RBFOX1: variants seen among roughly 807,000 people sequenced by gnomAD.
The protein encoded by RBFOX1 is RNA binding protein fox-1 homolog 1.
In RBFOX1, 8 loss-of-function variants were observed where a neutral mutation model predicts 57.7. The observed-to-expected ratio is 0.14, with a 90% CI of 0.08 to 0.25. RBFOX1 has a LOEUF of 0.25. Ranked by LOEUF, RBFOX1 falls within the 10% of genes least tolerant of loss-of-function variation. The pLI, the probability that RBFOX1 is intolerant of heterozygous loss-of-function variation, is 1.00. For missense variants in RBFOX1, 611 were observed against 548.5 expected, an observed-to-expected ratio of 1.11 and a Z score of -1.14; for synonymous variants, 326 against 222.4, an observed-to-expected ratio of 1.47 and a Z score of -4.15.
chr16:5,295,509 A>G (rs1414045237), intron 1 of RBFOX1, among the ~76,000 whole-genome samples: 1 of 152,090 alleles, frequency 6.6e-6, no homozygotes, highest in Admixed American at 6.6e-5. Context: ...TGGAGGCTTG[A>G]CGGGTGATTG....
At chr16:7,095,232 G>A (rs1332599589) in intron 4 of RBFOX1, among the ~76,000 whole-genome samples, 2 of 152,082 alleles carry the variant, frequency 1.3e-5, no homozygotes, top group Non-Finnish European at 2.9e-5. Flanking sequence ...CGCCTCCCAG[G>A]TTCAAACGAT....
At chr16:6,137,242 T>C (rs1397882737) in intron 1 of RBFOX1, among the ~76,000 whole-genome samples, 2 of 152,230 alleles carry the variant, frequency 1.3e-5, no homozygotes, top group Admixed American at 1.3e-4. Context: ...TTTATTGAAT[T>C]CCTACTATGT....
chr16:5,620,998 G>A (rs1392389072), intron 3 of RBFOX1, among the ~76,000 whole-genome samples: 2 of 152,092 alleles, frequency 1.3e-5, no homozygotes, highest in African/African-American at 2.4e-5. Context: ...TCGCCACCAC[G>A]CCCAGCTAAT....
At chr16:5,671,366 A>G (rs1257159840) in intron 3 of RBFOX1, among the ~76,000 whole-genome samples, 1 of 152,190 alleles carries the variant, frequency 6.6e-6, no homozygotes, top group South Asian at 2.1e-4. Flanking sequence ...ATGCTCCATT[A>G]TTTATAGGAA....
At chr16:5,818,385 C>G (rs1409432266) in intron 3 of RBFOX1, among the ~76,000 whole-genome samples, 1 of 152,300 alleles carries the variant, frequency 6.6e-6, no homozygotes, top group South Asian at 2.1e-4. Flanking sequence ...GAGGGGATAC[C>G]ATTGTGTCCT....
At chr16:5,862,594 C>T (rs1031969184) in intron 3 of RBFOX1, among the ~76,000 whole-genome samples, 11 of 152,134 alleles carry the variant, frequency 7.2e-5, no homozygotes, top group Non-Finnish European at 1.6e-4. Context: ...GTGCAGGGAG[C>T]GCTGTCTAGG....
At chr16:5,861,456 GC>G (rs1165000332) in intron 3 of RBFOX1, among the ~76,000 whole-genome samples, 1 of 152,182 alleles carries the variant, frequency 6.6e-6, no homozygotes, top group Non-Finnish European at 1.5e-5. Flanking sequence ...GCGTAGCAGA[GC>G]CTCTTTCACT....
intron 5 of RBFOX1, among the ~76,000 whole-genome samples, chr16:7,544,078 A>G (rs1417660495): frequency 1.3e-5 from 2 of 152,218 alleles, no homozygotes; most frequent in African/African-American, 4.8e-5. Flanking sequence ...TTATAAAGTG[A>G]GAGAGAATCC....
At chr16:5,721,259 T>C (rs2051921781) in intron 3 of RBFOX1, among the ~76,000 whole-genome samples, 1 of 152,194 alleles carries the variant, frequency 6.6e-6, no homozygotes, top group South Asian at 2.1e-4. Context: ...TGTTCATTAC[T>C]AGTGTGAAGG....
At chr16:6,837,778 C>G (rs555891437) in intron 3 of RBFOX1, among the ~76,000 whole-genome samples, 1 of 152,226 alleles carries the variant, frequency 6.6e-6, no homozygotes, top group South Asian at 2.1e-4. Context: ...GTCATTATTA[C>G]AATCTTGTTA....
At chr16:7,703,975 C>T (rs957126792) in intron 14 of RBFOX1, among the ~76,000 whole-genome samples, 2 of 152,178 alleles carry the variant, frequency 1.3e-5, no homozygotes, top group African/African-American at 2.4e-5. Context: ...TCTAAGAAGC[C>T]ATGTATCATA....
At chr16:7,445,562 T>A (rs1485210878) in intron 4 of RBFOX1, among the ~76,000 whole-genome samples, 2 of 152,206 alleles carry the variant, frequency 1.3e-5, no homozygotes, top group Non-Finnish European at 2.9e-5. Flanking sequence ...GTCATTTGAT[T>A]CAAATGTAAA....
chr16:6,996,447 T>G (rs1214787037), intron 3 of RBFOX1, among the ~76,000 whole-genome samples: 1 of 152,190 alleles, frequency 6.6e-6, no homozygotes, highest in African/African-American at 2.4e-5. Flanking sequence ...ATATCTAGAT[T>G]GATACATACA....
chr16:5,918,363 A>G (rs896068934), intron 4 of RBFOX1, among the ~76,000 whole-genome samples: 1 of 151,896 alleles, frequency 6.6e-6, no homozygotes, highest in Non-Finnish European at 1.5e-5. Context: ...CAGGTGATCC[A>G]CTCGCCTTCG....
At position 5,751,094 on chromosome 16, in the gene RBFOX1, C is replaced by T. The variant is rs969802964; in HGVS notation, c.319-116209C>T. On this transcript the variant is annotated intron_variant, in intron 3 of 19. Transcript: ENST00000641259. ...CTGACCTGAAGAGATCTGCCCACCT[C>T]GGCCTCCTAAAGTGCTGGGATTACA... is the stretch of plus-strand genomic sequence containing the variant. Among the ~76,000 whole-genome samples the T allele has an allele frequency of 9.9e-5, 15 of 152,148 alleles. No individual in the cohort carries two copies. In the South Asian group the frequency reaches 1.7e-3, roughly 17 times the overall value.
intron 6 of RBFOX1, among the ~76,000 whole-genome samples, chr16:7,580,814 C>T (rs1238573077): frequency 1.3e-5 from 2 of 152,158 alleles, no homozygotes; most frequent in Non-Finnish European, 2.9e-5. Context: ...AGCCAATTTG[C>T]CCATGACATC....
chr16:6,236,551 C>G lies in RBFOX1; in HGVS notation c.-126-80444C>G, dbSNP rs2097506550. ...CTGGGTTCAAGTGACTCCCCTGCCT[C>G]AGTCACCCAAGTAGCAGGGATTACA... On this transcript the variant is annotated intron_variant, in intron 1 of 15. Transcript: ENST00000550418. Among the ~76,000 whole-genome samples the G allele has an allele frequency of 1.3e-5, 2 of 152,002 alleles. 1 individual carries two copies. Among genetic ancestry groups the G allele is most frequent in the African/African-American group, 4.8e-5 (2 of 41,360 alleles).
intron 1 of RBFOX1, among the ~76,000 whole-genome samples, chr16:6,314,707 A>T (rs367663214): frequency 2.0e-5 from 3 of 152,158 alleles, no homozygotes; most frequent in Non-Finnish European, 4.4e-5. Context: ...GGTAGCTATT[A>T]TTTTTAATAA....
intron 2 of RBFOX1, among the ~76,000 whole-genome samples, chr16:5,597,168 C>G (rs1176030708): frequency 6.6e-6 from 1 of 151,828 alleles, no homozygotes; most frequent in Non-Finnish European, 1.5e-5. Context: ...CCCTCTGTTT[C>G]TCTCTCTTTT....
Sources: gnomAD v4.1 joint callset for allele counts (sites outside exome capture counted in the v4.1 genomes callset) on GRCh38, gnomAD v4.1.1 for gene constraint, MANE v1.5 for transcripts, NCBI Gene and HGNC (gene_info 2026-07-23, HGNC 2026-07-21) for gene names.